NEIL1: variants seen among roughly 807,000 people sequenced by gnomAD.
NEIL1 encodes the protein endonuclease 8-like 1.
NEIL1 carries 31 observed loss-of-function variants against 44.2 expected under a neutral mutation model. The observed-to-expected ratio is 0.70, with a 90% CI of 0.53 to 0.95. The LOEUF is 0.95. Among genes scored for constraint, NEIL1 ranks in the 40% least tolerant of loss-of-function variants. The pLI, the probability that NEIL1 is intolerant of heterozygous loss-of-function variation, is 0.00. For missense variants in NEIL1, 549 were observed against 515.5 expected (o/e 1.07, Z -0.63); for synonymous variants, 254 against 209.7 (o/e 1.21, Z -1.83).
chr15:75,349,190 C>T lies in NEIL1; in HGVS notation c.285C>T (p.Arg95=), dbSNP rs2071682601. 2 of 1,609,032 alleles carry T rather than the reference C, an allele frequency of 1.2e-6. No homozygotes were observed. Among genetic ancestry groups the T allele is most frequent in the Admixed American group, 1.7e-5 (1 of 59,998 alleles). ...FQLVPREELP[R]HAHLRFYTAP... is the part of the protein sequence containing the mutation. ...TGGTGCCCCGCGAGGAGCTGCCACG[C>T]CATGCCCACCTGCGCTTTTACACGG... Residue 95 remains arginine (R), a synonymous_variant, in exon 2 of 10, where the codon CGC becomes CGT. Transcript: ENST00000355059.
At chr15:75,348,821 G>A (rs1279598562) in intron 1 of NEIL1, 63 bp from the exon 2 acceptor site, 1 of 1,547,580 alleles carries the variant, frequency 6.5e-7, no homozygotes, top group Non-Finnish European at 8.7e-7. Flanking sequence ...TAAAAATGGG[G>A]CTGACAGCCG....
intron 2 of NEIL1, chr15:75,349,754 C>G: frequency 5.0e-6 from 1 of 201,440 alleles, no homozygotes; most frequent in South Asian, 8.2e-5. Flanking sequence ...GCCGGGGTTG[C>G]AGTGAGCTGA....
Position 75,356,339 on chromosome 15 carries a change from CG to C in NEIL1, c.*1307del. On this transcript the variant is annotated 3_prime_UTR_variant, in exon 10 of 10. Transcript: ENST00000355059. The surrounding 1 kb of genome is among the most constrained non-coding windows in gnomAD (Gnocchi z 5.8). ...TCCAATACGACCGCGGGTGAAGACA[CG>C]GAAAACGCACTCCAGGAGGTGGCGG... 2 of 1,612,492 alleles carry C rather than the reference CG, an allele frequency of 1.2e-6. No homozygotes were observed. The highest frequency in any genetic ancestry group is 1.7e-6 in the Non-Finnish European group (2 of 1,179,490).
At chr15:75,348,433 C>A in intron 1 of NEIL1, 1 of 1,012,800 alleles carries the variant, frequency 9.9e-7, no homozygotes, top group Admixed American at 5.1e-5. Flanking sequence ...GGTGGGAGAG[C>A]CTGGAGAAAG....
At chr15:75,353,702 C>T in intron 5 of NEIL1, 37 bp from the exon 6 acceptor site, 2 of 1,613,368 alleles carry the variant, frequency 1.2e-6, no homozygotes, top group Admixed American at 3.3e-5. Context: ...CAACCTGAGC[C>T]TGCCCTCTGA....
rs1247314442 is a variant in NEIL1 at position 75,347,246 on chromosome 15, G to A, written c.-250G>A. ...GCTTAAGATCCCCACCGGGTCCCTA[G>A]GGCCTGTGCGTACCGCGCACCTGTG... On this transcript the variant is annotated 5_prime_UTR_variant, in exon 1 of 10. The change abolishes the stop of an existing upstream ORF in the 5' untranslated region. Transcript: ENST00000355059. The A allele has an allele frequency of 1.3e-5, 2 of 152,060 alleles. No individual in the cohort carries two copies. The highest frequency in any genetic ancestry group is 4.9e-5 in the African/African-American group (2 of 41,138). 9.4% of individuals were successfully genotyped at this position (152,060 alleles called of 1,614,324 possible). A position where few individuals can be genotyped will look rare whatever the true frequency, so the allele number is the denominator to read the frequency against.
At chr15:75,351,825 T>C (rs2141313637) in intron 2 of NEIL1, 1 of 349,250 alleles carries the variant, frequency 2.9e-6, no homozygotes, top group Non-Finnish European at 5.6e-6. Context: ...TTTCACCATG[T>C]TGGCCAGGCT....
At chr15:75,349,487 G>C in intron 2 of NEIL1, 148 bp downstream of exon 2, 2 of 771,740 alleles carry the variant, frequency 2.6e-6, no homozygotes, top group Non-Finnish European at 4.0e-6. Flanking sequence ...CCTGTCCTGG[G>C]TCAGCTCCCT....
chr15:75,356,607 C>CT lies in NEIL1; in HGVS notation c.*1575dup, dbSNP rs2072310656. ...GGCCCCACCGTCCCCAGCACTCACC[C>CT]TTGTGCGGCATCAGTGCATAGGTGA... On this transcript the variant is annotated 3_prime_UTR_variant, in exon 10 of 10. Transcript: ENST00000355059. The surrounding 1 kb of genome is among the most constrained non-coding windows in gnomAD (Gnocchi z 5.8). The CT allele has an allele frequency of 6.4e-6, 10 of 1,559,680 alleles. No homozygotes were observed. The highest frequency in any genetic ancestry group is 8.7e-6 in the Non-Finnish European group (10 of 1,152,300).
intron 1 of NEIL1, chr15:75,348,598 A>C: frequency 7.8e-7 from 1 of 1,274,216 alleles, no homozygotes; most frequent in East Asian, 3.4e-5. Context: ...CGGCCCCGCA[A>C]GGATTGGGAC....
Position 75,356,642 on chromosome 15 carries a change from GC to G in NEIL1, c.*1612del. ...ATCAGTGCATAGGTGAACTCGTGGC[GC>G]CCCGTGTCAGCAGTAGCGTCCGGGG... On this transcript the variant is annotated 3_prime_UTR_variant, in exon 10 of 10. Coordinates refer to ENST00000355059, the MANE Select transcript of NEIL1 (RefSeq NM_024608.4). This position sits in a 1 kb window ranked among gnomAD's most constrained non-coding sequence, Gnocchi z 5.8. 6.4e-7 allele frequency: 1 copy of G among 1,572,466 alleles called. No homozygotes were observed. The highest frequency in any genetic ancestry group is 8.6e-7 in the Non-Finnish European group (1 of 1,159,328).
chr15:75,353,063 C>T (rs866492846), intron 5 of NEIL1: 7 of 218,510 alleles, frequency 3.2e-5, no homozygotes, highest in South Asian at 3.1e-4. Flanking sequence ...ATCGCTTAAA[C>T]CCAGGAGGTG....
intron 2 of NEIL1, 98 bp downstream of exon 2, chr15:75,349,437 C>T: frequency 8.5e-7 from 1 of 1,182,332 alleles, no homozygotes; most frequent in Non-Finnish European, 1.2e-6. Context: ...CCTGCCCCTT[C>T]TGGGCCTCAG....
intron 2 of NEIL1, 56 bp downstream of exon 2, chr15:75,349,395 T>G (rs2071707349): frequency 6.7e-7 from 1 of 1,503,642 alleles, no homozygotes. Flanking sequence ...CCTGACTCTC[T>G]TAGTGCCTTC....
At position 75,356,831 on chromosome 15, in the gene NEIL1, A is replaced by G. The variant is rs1413476365; in HGVS notation, c.*1797A>G. On this transcript the variant is annotated 3_prime_UTR_variant, in exon 10 of 10. Transcript: ENST00000355059. This position sits in a 1 kb window ranked among gnomAD's most constrained non-coding sequence, Gnocchi z 5.8. Reference sequence around the variant, plus strand: ...GGATGCTGCCTCGCACTGACGCGCCATACTTGCAGTCGTTGAGCAGGGCCA... The same window carrying G: ...GGATGCTGCCTCGCACTGACGCGCCGTACTTGCAGTCGTTGAGCAGGGCCA... The G allele has an allele frequency of 1.9e-6, 3 of 1,613,986 alleles. No individual in the cohort carries two copies. The highest frequency in any genetic ancestry group is 2.2e-5 in the East Asian group (1 of 44,896).
chr15:75,350,286 G>A (rs2071780754), intron 2 of NEIL1, among the ~76,000 whole-genome samples: 1 of 152,248 alleles, frequency 6.6e-6, no homozygotes, highest in Non-Finnish European at 1.5e-5. Flanking sequence ...TCGGGGTACA[G>A]CAGTGAACAA....
chr15:75,352,442 C>A (rs2071989315), intron 4 of NEIL1, 55 bp downstream of exon 4: 2 of 1,603,148 alleles, frequency 1.2e-6, no homozygotes, highest in Middle Eastern at 2.0e-4. Flanking sequence ...TCCACATGGG[C>A]CGGCAAGGAG....
rs376869970 is a variant in NEIL1, at chr15:75,356,012, G to C, written c.*978G>C. ...AAGGGTCAAGTGGCCAGCAGGGTCT[G>C]GTCGCTCCAAGAGATCGCAGCTGGA... On this transcript the variant is annotated 3_prime_UTR_variant, in exon 10 of 10. Coordinates refer to ENST00000355059, the MANE Select transcript of NEIL1 (RefSeq NM_024608.4). This position sits in a 1 kb window ranked among gnomAD's most constrained non-coding sequence, Gnocchi z 5.8. The C allele has an allele frequency of 1.4e-5, 23 of 1,613,902 alleles. No individual in the cohort carries two copies. The highest frequency in any genetic ancestry group is 1.8e-5 in the Non-Finnish European group (21 of 1,179,966).
In NEIL1 at chr15:75,356,015, C is replaced by A. The variant is rs199637132; in HGVS notation, c.*981C>A. ...GGTCAAGTGGCCAGCAGGGTCTGGT[C>A]GCTCCAAGAGATCGCAGCTGGAGAA... On this transcript the variant is annotated 3_prime_UTR_variant, in exon 10 of 10. Transcript: ENST00000355059. The surrounding 1 kb of genome is among the most constrained non-coding windows in gnomAD (Gnocchi z 5.8). The A allele has an allele frequency of 3.1e-6, 5 of 1,613,898 alleles. No individual in the cohort carries two copies. In the East Asian group the frequency reaches 8.9e-5, roughly 29 times the overall value.
Sources: allele counts gnomAD v4.1 joint callset (sites outside exome capture counted in the v4.1 genomes callset), GRCh38; gene constraint gnomAD v4.1.1; non-coding constraint Gnocchi (gnomAD v3.1); transcripts MANE v1.5; gene names NCBI Gene and HGNC (gene_info 2026-07-23, HGNC 2026-07-21).